The following ARK2C variants were observed in gnomAD, a reference collection of about 807,000 sequenced individuals.
The protein encoded by ARK2C is arkadia (RNF111) C-terminal like ring finger ubiquitin ligase 2C, also known as E3 ubiquitin-protein ligase ARK2C.
At chr18:46,383,654 A>G in the ARK2C span, among the ~76,000 whole-genome samples, 172 of 146,654 alleles carry the variant, frequency 1.2e-3, 2 homozygotes, top group African/African-American at 4.3e-3. Context: ...TCCAGGGTTC[A>G]TGCCATTCTC....
the ARK2C span, chr18:46,447,375 C>A: frequency 4.7e-6 from 3 of 640,516 alleles, no homozygotes; most frequent in South Asian, 6.1e-5. Flanking sequence ...CTTTCAGAGT[C>A]CTTTCCTTCT....
the ARK2C span, among the ~76,000 whole-genome samples, chr18:46,343,602 C>A: frequency 6.6e-6 from 1 of 152,212 alleles, no homozygotes; most frequent in East Asian, 1.9e-4. Flanking sequence ...GAGGTCTTGG[C>A]CAAGCCTGAG....
At chr18:46,407,616 G>A in the ARK2C span, among the ~76,000 whole-genome samples, 42 of 152,224 alleles carry the variant, frequency 2.8e-4, no homozygotes, top group African/African-American at 5.5e-4. Flanking sequence ...AATGCAGAGG[G>A]TATTTCCAGA....
At chr18:46,450,363 C>T in the ARK2C span, 1 of 1,614,026 alleles carries the variant, frequency 6.2e-7, no homozygotes, top group Admixed American at 1.7e-5. Flanking sequence ...GGACTAAATC[C>T]CAGCAGACAC....
chr18:46,422,245 G>C, the ARK2C span, among the ~76,000 whole-genome samples: 1 of 152,144 alleles, frequency 6.6e-6, no homozygotes, highest in Non-Finnish European at 1.5e-5. Flanking sequence ...TGCCGTTCAA[G>C]GTTCCCCACA....
At chr18:46,371,250 G>C in the ARK2C span, among the ~76,000 whole-genome samples, 6 of 152,122 alleles carry the variant, frequency 3.9e-5, no homozygotes, top group African/African-American at 9.7e-5. Flanking sequence ...AATTCAAGAC[G>C]AGATTTGCAT....
chr18:46,347,728 T>TC, the ARK2C span, among the ~76,000 whole-genome samples: 1 of 152,098 alleles, frequency 6.6e-6, no homozygotes, highest in Non-Finnish European at 1.5e-5. Flanking sequence ...TCCCCCTGCC[T>TC]GCTCCTAGGA....
the ARK2C span, chr18:46,458,576 A>G: frequency 3.9e-5 from 6 of 152,614 alleles, no homozygotes; most frequent in Non-Finnish European, 5.9e-5. Context: ...ACCAGGACCA[A>G]TGGGTAAAAG....
At chr18:46,430,805 A>G in the ARK2C span, among the ~76,000 whole-genome samples, 8 of 152,152 alleles carry the variant, frequency 5.3e-5, no homozygotes, top group Middle Eastern at 3.4e-3. Context: ...TGTTGCATGG[A>G]TCCAACATCT....
chr18:46,446,453 T>C, the ARK2C span, among the ~76,000 whole-genome samples: 21 of 152,012 alleles, frequency 1.4e-4, no homozygotes, highest in African/African-American at 5.1e-4. Context: ...GGTGGATCAC[T>C]TGAAGTCAGG....
At chr18:46,438,355 C>A in the ARK2C span, among the ~76,000 whole-genome samples, 1 of 152,218 alleles carries the variant, frequency 6.6e-6, no homozygotes, top group Non-Finnish European at 1.5e-5. Flanking sequence ...GTTGGGGTAG[C>A]CCAGATCCAT....
At chr18:46,352,063 G>A in the ARK2C span, among the ~76,000 whole-genome samples, 1 of 152,144 alleles carries the variant, frequency 6.6e-6, no homozygotes, top group Non-Finnish European at 1.5e-5. Context: ...CTCCCAGGAT[G>A]GCAGCCCTGT....
the ARK2C span, among the ~76,000 whole-genome samples, chr18:46,381,458 C>T: frequency 6.6e-6 from 1 of 152,208 alleles, no homozygotes; most frequent in Non-Finnish European, 1.5e-5. Context: ...CTCTCAGGGA[C>T]ATCCGTTGAG....
At chr18:46,394,576 A>G in the ARK2C span, among the ~76,000 whole-genome samples, 5 of 152,204 alleles carry the variant, frequency 3.3e-5, no homozygotes, top group Non-Finnish European at 7.3e-5. Flanking sequence ...ATAGCCACAG[A>G]GGGGAAGTCT....
chr18:46,402,194 C>G, the ARK2C span, among the ~76,000 whole-genome samples: 1 of 152,174 alleles, frequency 6.6e-6, no homozygotes, highest in Non-Finnish European at 1.5e-5. Context: ...AGCATCTATA[C>G]CCTGTTGGTT....
At chr18:46,413,962 C>T in the ARK2C span, among the ~76,000 whole-genome samples, 1 of 152,158 alleles carries the variant, frequency 6.6e-6, no homozygotes, top group South Asian at 2.1e-4. Context: ...TAATTTAATT[C>T]AAAGTCATGC....
At chr18:46,425,947 G>A in the ARK2C span, among the ~76,000 whole-genome samples, 1 of 152,158 alleles carries the variant, frequency 6.6e-6, no homozygotes, top group Non-Finnish European at 1.5e-5. Context: ...CCTCATAGAT[G>A]GTTCCTTCCC....
At chr18:46,389,829 G>A in the ARK2C span, among the ~76,000 whole-genome samples, 1 of 151,976 alleles carries the variant, frequency 6.6e-6, no homozygotes, top group Non-Finnish European at 1.5e-5. Context: ...CCCAGTCTCA[G>A]CTGATCCTCC....
chr18:46,381,264 C>T, the ARK2C span, among the ~76,000 whole-genome samples: 3 of 152,350 alleles, frequency 2.0e-5, no homozygotes, highest in South Asian at 2.1e-4. Flanking sequence ...CTGTCCCCTC[C>T]GTGGTCTCTG....
Sources: allele counts gnomAD v4.1 joint callset (sites outside exome capture counted in the v4.1 genomes callset), GRCh38; gene constraint gnomAD v4.1.1; transcripts MANE v1.5; gene names NCBI Gene and HGNC (gene_info 2026-07-23, HGNC 2026-07-21).